Variants in PCDHGC3 observed in about 807,000 individuals in gnomAD.
PCDHGC3 encodes the protein protocadherin gamma subfamily C, 3.
A neutral mutation model predicts 59.2 loss-of-function variants in PCDHGC3; 26 were observed. The ratio of observed to expected loss-of-function variants is 0.44; its 90% CI spans 0.32 to 0.61. The LOEUF (loss-of-function observed/expected upper bound fraction) is 0.61, where lower values mean the gene tolerates loss of function less well. PCDHGC3 is among the 20% of genes least tolerant of loss of function. The pLI is 0.05. For synonymous variants in PCDHGC3, 487 were observed against 519.7 expected (o/e 0.94, Z 0.86); for missense variants, 1,080 against 1,221.8 (o/e 0.88, Z 1.73).
chr5:141,497,540 CTT>C (rs754207034), intron 2 of PCDHGC3, among the ~76,000 whole-genome samples: 114 of 134,852 alleles, frequency 8.5e-4, no homozygotes, highest in Middle Eastern at 3.7e-3. Context: ...TGCAACAAAC[CTT>C]TTTTTTTTTT....
Position 141,489,575 on chromosome 5 carries a change from AC to A in PCDHGC3, c.2431-5227del. On this transcript the variant is annotated intron_variant, in intron 1 of 3. Coordinates refer to ENST00000308177, the MANE Select transcript of PCDHGC3 (RefSeq NM_002588.4). This position sits in a 1 kb window ranked among gnomAD's most constrained non-coding sequence, Gnocchi z 4.5. ...CTGCCAGTGCAGGTGGTGACTGAAC[AC>A]CCCCTGGAGCTAATCCGTGTAGAGG... 1 of 1,613,788 alleles carries A rather than the reference AC, an allele frequency of 6.2e-7. No individual in the cohort carries two copies. Among genetic ancestry groups the A allele is most frequent in the Middle Eastern group, 1.6e-4 (1 of 6,062 alleles).
intron 3 of PCDHGC3, 88 bp from the exon 4 acceptor site, chr5:141,510,859 A>G: frequency 6.2e-7 from 1 of 1,606,096 alleles, no homozygotes; most frequent in Non-Finnish European, 8.5e-7. Context: ...GGTGCTGTAT[A>G]GGCATTCATT....
chr5:141,496,152 C>T (rs771462960), intron 2 of PCDHGC3, among the ~76,000 whole-genome samples: 2 of 152,080 alleles, frequency 1.3e-5, no homozygotes, highest in Non-Finnish European at 1.5e-5. Flanking sequence ...GATCGCAGCT[C>T]TCCACCAGAC....
rs753538822 is a variant in PCDHGC3, at chr5:141,476,676, G to C, written c.560G>C (p.Arg187Pro). 6 of 1,614,222 alleles carry C rather than the reference G, an allele frequency of 3.7e-6. No individual in the cohort carries two copies. Among genetic ancestry groups the C allele is most frequent in the Non-Finnish European group, 4.2e-6 (5 of 1,180,054 alleles). ...TACTTTGCGCTTCGCGTGCAGACGCGGGAGGACAGCACCAAGTACGCGGAG... is the reference window on the plus strand; with the variant it reads ...TACTTTGCGCTTCGCGTGCAGACGCCGGAGGACAGCACCAAGTACGCGGAG... ...NEYFALRVQTREDSTKYAELV... is the reference protein window; with the variant it reads ...NEYFALRVQTPEDSTKYAELV... The change falls in exon 1 of 4, where the codon CGG becomes CCG. Residue 187 changes from arginine (R) to proline (P), a missense_variant. Transcript: ENST00000308177. The surrounding 1 kb of genome is among the most constrained non-coding windows in gnomAD (Gnocchi z 7.6).
At chr5:141,480,178 C>T (rs143309515) in intron 1 of PCDHGC3, among the ~76,000 whole-genome samples, 346 of 150,752 alleles carry the variant, frequency 2.3e-3, no homozygotes, top group Non-Finnish European at 2.8e-3. Flanking sequence ...CTGAGGCAGG[C>T]GGATTGCTTG....
rs772328241 is a variant in PCDHGC3 at position 141,491,340 on chromosome 5, C to A, written c.2431-3467C>A. On this transcript the variant is annotated intron_variant, in intron 1 of 3. Coordinates refer to ENST00000308177, the MANE Select transcript of PCDHGC3 (RefSeq NM_002588.4). The surrounding 1 kb of genome is among the most constrained non-coding windows in gnomAD (Gnocchi z 6.9). ...TTTACCTCATTGTGGCTCTAGCGACCGTCAGTCTCTTATCCCTAGTCACCT... is the reference window on the plus strand; with the variant it reads ...TTTACCTCATTGTGGCTCTAGCGACAGTCAGTCTCTTATCCCTAGTCACCT... 4.3e-6 allele frequency: 7 copies of A among 1,614,146 alleles called. No homozygotes were observed. Among genetic ancestry groups the A allele is most frequent in the Non-Finnish European group, 5.9e-6 (7 of 1,180,014 alleles).
intron 3 of PCDHGC3, among the ~76,000 whole-genome samples, chr5:141,506,444 C>CAA (rs1219684339): frequency 1.2e-3 from 116 of 94,976 alleles, no homozygotes; most frequent in African/African-American, 4.2e-3. Flanking sequence ...CGCTCTGTCT[C>CAA]AAAAAAAAAA....
chr5:141,476,642 C>T lies in PCDHGC3; in HGVS notation c.526C>T (p.Arg176Ter). The change falls in exon 1 of 4, where the codon CGA becomes TGA. Residue 176 changes from arginine (R) to a stop codon, truncating the protein, a stop_gained. Transcript: ENST00000308177. LOFTEE classifies it high-confidence loss of function. This position sits in a 1 kb window ranked among gnomAD's most constrained non-coding sequence, Gnocchi z 7.6. ...SNSLQTYELS[R>*]NEYFALRVQT... is the part of the protein sequence containing the mutation. The stretch of plus-strand genomic sequence containing the variant: ...CTCTTTACAAACCTATGAGCTGAGC[C>T]GAAATGAATACTTTGCGCTTCGCGT... The T allele has an allele frequency of 1.9e-6, 3 of 1,614,240 alleles. No individual in the cohort carries two copies. The highest frequency in any genetic ancestry group is 2.5e-6 in the Non-Finnish European group (3 of 1,180,050).
At chr5:141,488,978 C>T (rs1346335195) in intron 1 of PCDHGC3, 4 of 388,976 alleles carry the variant, frequency 1.0e-5, no homozygotes, top group African/African-American at 2.1e-5. Flanking sequence ...GCCAATCAGA[C>T]TCAGAGCTGA....
rs765756193 is a variant in PCDHGC3, at chr5:141,511,105, C to T, written c.2737C>T (p.Arg913Trp). The T allele has an allele frequency of 2.8e-5, 46 of 1,614,196 alleles. No individual in the cohort carries two copies. In the East Asian group the frequency reaches 3.1e-4, roughly 11 times the overall value. Residue 913 changes from arginine to tryptophan, a missense_variant, in exon 4 of 4, where the codon CGG becomes TGG. Transcript: ENST00000308177. ...CACACTGACCAACGCAGCTGGCAAG[C>T]GGGATGGCAAGGCCCCAGCAGGTGG... ...NATLTNAAGK[R>W]DGKAPAGGNG...
In PCDHGC3 at chr5:141,487,198, T is replaced by C; in HGVS notation, c.2431-7609T>C. ...AAGACACTCATCCAGTTGTCCCAGA[T>C]CTTCGAGAATCTTCAGCTCCAAGGG... On this transcript the variant is annotated intron_variant, in intron 1 of 3. Transcript: ENST00000308177. The surrounding 1 kb of genome is among the most constrained non-coding windows in gnomAD (Gnocchi z 5.0). The C allele has an allele frequency of 6.2e-7, 1 of 1,613,854 alleles. No homozygotes were observed.
At chr5:141,510,134 C>T (rs1273076437) in intron 3 of PCDHGC3, among the ~76,000 whole-genome samples, 1 of 152,064 alleles carries the variant, frequency 6.6e-6, no homozygotes, top group East Asian at 1.9e-4. Context: ...ATTAGCTGGG[C>T]TAGTGGTGTG....
intron 1 of PCDHGC3, chr5:141,478,865 T>G: frequency 7.5e-7 from 1 of 1,326,190 alleles, no homozygotes; most frequent in Non-Finnish European, 1.0e-6. Context: ...ATCTCAGCGA[T>G]CAGAGTTTAG....
At position 141,489,090 on chromosome 5, in the gene PCDHGC3, C is replaced by A; in HGVS notation, c.2431-5717C>A. On this transcript the variant is annotated intron_variant, in intron 1 of 3. Transcript: ENST00000308177. The surrounding 1 kb of genome is among the most constrained non-coding windows in gnomAD (Gnocchi z 4.5). Reference sequence around the variant, plus strand: ...CCTGCCCACCCCCGCCACTCGGTGACTAAGAACTGCTGCAAGCAGGCAAAC... The same window carrying A: ...CCTGCCCACCCCCGCCACTCGGTGAATAAGAACTGCTGCAAGCAGGCAAAC... The A allele has an allele frequency of 1.5e-5, 5 of 328,802 alleles. No individual in the cohort carries two copies. The highest frequency in any genetic ancestry group is 4.8e-5 in the East Asian group (1 of 20,928). 20.4% of individuals were successfully genotyped at this position (328,802 alleles called of 1,614,324 possible).
Position 141,511,502 on chromosome 5 carries a change from A to C in PCDHGC3, c.*329A>C. The C allele has an allele frequency of 2.0e-5, 8 of 395,260 alleles. No individual in the cohort carries two copies. The highest frequency in any genetic ancestry group is 4.1e-5 in the African/African-American group (2 of 48,892). The allele number at this position is 395,260 out of a possible 1,614,324, so 24.5% of individuals were successfully genotyped here. A position where few individuals can be genotyped will look rare whatever the true frequency, so the allele number is the denominator to read the frequency against. ...CTGAACTCCTCCATCTTCCAAATCA[A>C]TCAGGCCCATCCATCCCATGCCTCC... On this transcript the variant is annotated 3_prime_UTR_variant, in exon 4 of 4. Transcript: ENST00000308177.
Position 141,490,683 on chromosome 5 carries a change from A to C in PCDHGC3, c.2431-4124A>C, listed in dbSNP as rs766019662. 6 of 1,614,088 alleles carry C rather than the reference A, an allele frequency of 3.7e-6. No homozygotes were observed. The highest frequency in any genetic ancestry group is 5.1e-6 in the Non-Finnish European group (6 of 1,180,034). On this transcript the variant is annotated intron_variant, in intron 1 of 3. Transcript: ENST00000308177. The surrounding 1 kb of genome is among the most constrained non-coding windows in gnomAD (Gnocchi z 5.4). ...TTTGCACTGTGGCTGCCTCAGATCCAGACACTGGGGATAATGCCCGCCTCA... is the reference window on the plus strand; with the variant it reads ...TTTGCACTGTGGCTGCCTCAGATCCCGACACTGGGGATAATGCCCGCCTCA...
chr5:141,503,362 G>A (rs565902559), intron 2 of PCDHGC3, among the ~76,000 whole-genome samples: 32 of 152,054 alleles, frequency 2.1e-4, no homozygotes, highest in African/African-American at 6.5e-4. Context: ...TTTGGGAAGC[G>A]GAGGCAGGTG....
rs778246278 is a variant in PCDHGC3 at position 141,491,522 on chromosome 5, A to C, written c.2431-3285A>C. The C allele has an allele frequency of 6.2e-6, 10 of 1,614,024 alleles. No individual in the cohort carries two copies. The highest frequency in any genetic ancestry group is 8.5e-6 in the Non-Finnish European group (10 of 1,180,002). ...TCGGACGGCACGCTCAAGTACATGGAGGTGACGCTGCGGCCCACAGACTCG... is the reference window on the plus strand; with the variant it reads ...TCGGACGGCACGCTCAAGTACATGGCGGTGACGCTGCGGCCCACAGACTCG... On this transcript the variant is annotated intron_variant, in intron 1 of 3. Coordinates refer to ENST00000308177, the MANE Select transcript of PCDHGC3 (RefSeq NM_002588.4). The surrounding 1 kb of genome is among the most constrained non-coding windows in gnomAD (Gnocchi z 6.9).
At chr5:141,484,707 G>C (rs1288663675) in intron 1 of PCDHGC3, among the ~76,000 whole-genome samples, 1 of 151,802 alleles carries the variant, frequency 6.6e-6, no homozygotes. Flanking sequence ...TGTTTTCCCC[G>C]CCGAAAAGGG....
Sources: allele counts gnomAD v4.1 joint callset (sites outside exome capture counted in the v4.1 genomes callset), GRCh38; gene constraint gnomAD v4.1.1; non-coding constraint Gnocchi (gnomAD v3.1); transcripts MANE v1.5; gene names NCBI Gene and HGNC (gene_info 2026-07-23, HGNC 2026-07-21).